FBXW11: variants seen among roughly 807,000 people sequenced by gnomAD.
FBXW11 encodes F-box/WD repeat-containing protein 11.
In FBXW11, 19 loss-of-function variants were observed where a neutral mutation model predicts 77.6. The observed-to-expected ratio is 0.24, with a 90% CI of 0.17 to 0.36. FBXW11 has a LOEUF of 0.36. Among genes scored for constraint, FBXW11 ranks in the 10% least tolerant of loss-of-function variants. FBXW11 has a pLI of 1.00. For missense variants in FBXW11, 334 were observed against 704.2 expected, an observed-to-expected ratio of 0.47 and a Z score of 5.95; for synonymous variants, 235 against 249.4, an observed-to-expected ratio of 0.94 and a Z score of 0.54.
chr5:171,922,863 A>T (rs2113992512), intron 2 of FBXW11, among the ~76,000 whole-genome samples: 1 of 152,190 alleles, frequency 6.6e-6, no homozygotes, highest in Admixed American at 6.5e-5. Context: ...ATGAATGTGG[A>T]CGAATGTTTT....
At chr5:171,910,410 G>A (rs1760807548) in intron 4 of FBXW11, among the ~76,000 whole-genome samples, 162 bp downstream of exon 4, 1 of 152,074 alleles carries the variant, frequency 6.6e-6, no homozygotes, top group African/African-American at 2.4e-5. Flanking sequence ...TTCCTAGATA[G>A]ATACTAAATT....
intron 1 of FBXW11, among the ~76,000 whole-genome samples, chr5:171,971,820 A>C (rs1764549121): frequency 1.3e-5 from 2 of 152,172 alleles, no homozygotes; most frequent in African/African-American, 4.8e-5. Context: ...TTATCTCTAC[A>C]AAAGATACAA....
chr5:171,913,529 T>C (rs1269522372), intron 3 of FBXW11, among the ~76,000 whole-genome samples: 1 of 152,186 alleles, frequency 6.6e-6, no homozygotes, highest in Non-Finnish European at 1.5e-5. Context: ...CAATATGCTA[T>C]TTCCAGCCAC....
intron 4 of FBXW11, 50 bp from the exon 5 acceptor site, chr5:171,900,150 A>G (rs773731859): frequency 2.1e-6 from 3 of 1,448,740 alleles, no homozygotes; most frequent in South Asian, 2.7e-5. Flanking sequence ...ATAGAAAGGT[A>G]CCAGCCATCA....
intron 7 of FBXW11, among the ~76,000 whole-genome samples, chr5:171,890,561 G>C: frequency 6.6e-6 from 1 of 151,862 alleles, no homozygotes; most frequent in Non-Finnish European, 1.5e-5. Flanking sequence ...AGAACAGCTG[G>C]GCAGTTTCTT....
intron 10 of FBXW11, among the ~76,000 whole-genome samples, chr5:171,872,634 G>A (rs1231087209): frequency 6.6e-6 from 1 of 152,218 alleles, no homozygotes; most frequent in Admixed American, 6.5e-5. Flanking sequence ...AGTGATCCCA[G>A]GTGGAGCTGA....
At chr5:171,985,656 T>C (rs1765395990) in intron 1 of FBXW11, among the ~76,000 whole-genome samples, 1 of 152,112 alleles carries the variant, frequency 6.6e-6, no homozygotes, top group South Asian at 2.1e-4. Context: ...TAGTCCCAGC[T>C]ACTTGGAGGC....
chr5:171,875,259 AAAAAAAAAAAAG>A (rs1395310225), intron 9 of FBXW11, among the ~76,000 whole-genome samples: 1 of 13,942 alleles, frequency 7.2e-5, no homozygotes, highest in Admixed American at 3.4e-3. Context: ...TTAAAAAAAA[AAAAAAAAAAAAG>A]AAGGGACAAA....
rs762106852 is a variant in FBXW11 at position 171,891,443 on chromosome 5, T to C, written c.852+24A>G. ...CACATAGCCACGATTCTAAAAATAA[T>C]ACATAAAAAATTCAGTCATTCACCT... On this transcript the variant is annotated intron_variant, in intron 7 of 13. Transcript: ENST00000517395. The C allele has an allele frequency of 3.2e-6, 5 of 1,561,622 alleles. No individual in the cohort carries two copies. In the Admixed American group the frequency reaches 7.5e-5, roughly 24 times the overall value.
At chr5:171,991,358 C>T (rs1765729325) in intron 1 of FBXW11, among the ~76,000 whole-genome samples, 1 of 152,152 alleles carries the variant, frequency 6.6e-6, no homozygotes. Flanking sequence ...ATATGCCATA[C>T]TTGAGACCAA....
chr5:171,866,966 T>C (rs932352608), intron 13 of FBXW11, among the ~76,000 whole-genome samples: 10 of 152,232 alleles, frequency 6.6e-5, no homozygotes, highest in Admixed American at 3.9e-4. Context: ...TAATAGCAAA[T>C]AGGTAAGTGG....
intron 13 of FBXW11, among the ~76,000 whole-genome samples, chr5:171,864,547 C>A (rs570767092): frequency 6.6e-6 from 1 of 152,322 alleles, no homozygotes; most frequent in South Asian, 2.1e-4. Flanking sequence ...CTCACATCCT[C>A]ACGAGAGCCC....
intron 9 of FBXW11, among the ~76,000 whole-genome samples, chr5:171,874,238 C>T (rs1757931783): frequency 6.6e-6 from 1 of 152,132 alleles, no homozygotes. Flanking sequence ...AGAAGGTACA[C>T]AAATGGCCAA....
intron 2 of FBXW11, among the ~76,000 whole-genome samples, chr5:171,923,034 C>T (rs1761686090): frequency 6.6e-6 from 1 of 152,126 alleles, no homozygotes; most frequent in African/African-American, 2.4e-5. Flanking sequence ...CGTGCCTCAG[C>T]CTCCCATGTA....
chr5:171,901,859 T>G (rs1760137226), intron 4 of FBXW11, among the ~76,000 whole-genome samples: 2 of 152,234 alleles, frequency 1.3e-5, no homozygotes, highest in Admixed American at 1.3e-4. Flanking sequence ...TCTAGAATTC[T>G]GATTTTTGTC....
chr5:171,891,400 G>GT, intron 7 of FBXW11, 67 bp downstream of exon 7: 1 of 1,397,856 alleles, frequency 7.2e-7, no homozygotes, highest in South Asian at 1.6e-5. Flanking sequence ...TGGAAAGATT[G>GT]TCACATCTAG....
rs1759505357 is a variant in FBXW11, at chr5:171,893,426, A to AAAAAAAAAAC, written c.715-1823_715-1822insGTTTTTTTTT. 2.2e-5 allele frequency among the ~76,000 whole-genome samples: 3 copies of AAAAAAAAAAC among 137,170 alleles called. 1 individual carries two copies. Among genetic ancestry groups the AAAAAAAAAAC allele is most frequent in the Non-Finnish European group, 3.1e-5 (2 of 64,128 alleles). 90.0% of individuals were successfully genotyped at this position (137,170 alleles called of 152,430 possible). A position where few individuals can be genotyped will look rare whatever the true frequency, so the allele number is the denominator to read the frequency against. ...ACAAAAGCACACTTCAAAACCAAAA[A>AAAAAAAAAAC]AAAAAAAAAAAAAAAAAAAAACTAA... On this transcript the variant is annotated intron_variant, in intron 6 of 13. Transcript: ENST00000517395.
At chr5:171,959,668 T>G (rs1581255424) in intron 1 of FBXW11, among the ~76,000 whole-genome samples, 1 of 151,646 alleles carries the variant, frequency 6.6e-6, no homozygotes, top group East Asian at 1.9e-4. Context: ...GCCAACATGG[T>G]GAAACCCCGT....
intron 1 of FBXW11, among the ~76,000 whole-genome samples, chr5:171,987,576 C>T (rs538133681): frequency 1.2e-4 from 18 of 152,050 alleles, no homozygotes; most frequent in African/African-American, 2.7e-4. Flanking sequence ...CTCAGCCTCC[C>T]GAGCAGCTGG....
Sources: allele counts gnomAD v4.1 joint callset (sites outside exome capture counted in the v4.1 genomes callset), GRCh38; gene constraint gnomAD v4.1.1; transcripts MANE v1.5; gene names NCBI Gene and HGNC (gene_info 2026-07-23, HGNC 2026-07-21).